PHLDB3: variants seen among roughly 807,000 people sequenced by gnomAD.
The protein encoded by PHLDB3 is pleckstrin homology-like domain family B member 3.
Under a neutral mutation model 85.7 loss-of-function variants are expected in PHLDB3, and 86 were observed. The ratio of observed to expected loss-of-function variants is 1.00; its 90% CI spans 0.84 to 1.20. PHLDB3 has a LOEUF of 1.20. Ranked by LOEUF, PHLDB3 falls within the 50% of genes most tolerant of loss-of-function variation. PHLDB3 has a pLI of 0.00. For missense variants in PHLDB3, 995 were observed against 873.0 expected, an observed-to-expected ratio of 1.14 and a Z score of -1.76; for synonymous variants, 376 against 349.8, an observed-to-expected ratio of 1.07 and a Z score of -0.83.
chr19:43,476,661 AAAG>A (rs1970934750), intron 15 of PHLDB3, among the ~76,000 whole-genome samples: 2 of 151,738 alleles, frequency 1.3e-5, no homozygotes, highest in African/African-American at 4.8e-5. Context: ...AGAAAAAAAA[AAAG>A]AAAAAGAAAC....
At chr19:43,487,585 A>AAAAAAAAAAAAC (rs1568477408) in intron 9 of PHLDB3, among the ~76,000 whole-genome samples, 2 of 141,632 alleles carry the variant, frequency 1.4e-5, no homozygotes, top group African/African-American at 2.7e-5. Flanking sequence ...AAAAAAAAAA[A>AAAAAAAAAAAAC]AAAAAAACAC....
chr19:43,480,261 A>AT (rs1444852951), intron 13 of PHLDB3, among the ~76,000 whole-genome samples: 3 of 115,220 alleles, frequency 2.6e-5, no homozygotes, highest in African/African-American at 7.0e-5. Context: ...CCCCTTCTCT[A>AT]TTTAAAAAAA....
intron 6 of PHLDB3, chr19:43,496,768 A>C: frequency 3.3e-6 from 1 of 302,832 alleles, no homozygotes. Flanking sequence ...GTGAGACGCT[A>C]TCTCAAAAAA....
At chr19:43,487,566 C>T in intron 9 of PHLDB3, among the ~76,000 whole-genome samples, 1 of 37,742 alleles carries the variant, frequency 2.6e-5, no homozygotes, top group East Asian at 1.2e-3. Flanking sequence ...CAGAGCAAGA[C>T]TCTGTCTCAA....
rs764166348 is a variant in PHLDB3 at position 43,503,897 on chromosome 19, G to T, written c.213+9C>A. On this transcript the variant is annotated intron_variant, in intron 2 of 15. Coordinates refer to ENST00000292140, the MANE Select transcript of PHLDB3 (RefSeq NM_198850.4). ...AAGCCCCCCGCGCTGTCGCCCTCGG[G>T]CCCCTCACCGCGTCGCGGCTGCTCT... 2 of 1,613,584 alleles carry T rather than the reference G, an allele frequency of 1.2e-6. No individual in the cohort carries two copies. The highest frequency in any genetic ancestry group is 1.7e-6 in the Non-Finnish European group (2 of 1,179,756).
Position 43,502,100 on chromosome 19 carries a change from C to A in PHLDB3, c.396+1G>T. The A allele has an allele frequency of 6.4e-7, 1 of 1,569,184 alleles. No individual in the cohort carries two copies. Among genetic ancestry groups the A allele is most frequent in the African/African-American group, 1.4e-5 (1 of 73,752 alleles). On this transcript the variant is annotated splice_donor_variant, in intron 3 of 15. Coordinates refer to ENST00000292140, the MANE Select transcript of PHLDB3 (RefSeq NM_198850.4). LOFTEE classifies it high-confidence loss of function. ...GCTTCCCAAGGGGTCCGCAGCCTCA[C>A]CTCGATCCTCAGCTCCTTCCTCTGG...
At position 43,487,591 on chromosome 19, in the gene PHLDB3, A is replaced by AAAAAAAAAAC. The variant is rs1167897767; in HGVS notation, c.1150-469_1150-468insGTTTTTTTTT. Among the ~76,000 whole-genome samples, 57 of 115,752 alleles carry AAAAAAAAAAC rather than the reference A, an allele frequency of 4.9e-4. 4 individuals are homozygous for AAAAAAAAAAC. Among genetic ancestry groups the AAAAAAAAAAC allele is most frequent in the African/African-American group, 1.2e-3 (38 of 31,988 alleles). The allele number at this position is 115,752 out of a possible 152,430, so 75.9% of individuals were successfully genotyped here. On this transcript the variant is annotated intron_variant, in intron 9 of 15. Coordinates refer to ENST00000292140, the MANE Select transcript of PHLDB3 (RefSeq NM_198850.4). ...CTCTGTCTCAAAAAAAAAAAAAAAA[A>AAAAAAAAAAC]ACACAGAAAAGAAAAAAAGAAATGT...
At chr19:43,488,140 C>A (rs1217382130) in intron 9 of PHLDB3, among the ~76,000 whole-genome samples, 1 of 149,436 alleles carries the variant, frequency 6.7e-6, no homozygotes. Flanking sequence ...GACGACAGAG[C>A]GAGACTCTGT....
chr19:43,485,559 A>G (rs960595816), intron 13 of PHLDB3, among the ~76,000 whole-genome samples: 1 of 132,596 alleles, frequency 7.5e-6, no homozygotes, highest in African/African-American at 2.8e-5. Flanking sequence ...TTTGGTTTTG[A>G]TTTTTTTTTT....
chr19:43,475,510 G>A lies in PHLDB3; in HGVS notation c.1823C>T (p.Thr608Ile). ...PNPRLTFCVKTYERLFYMVAP... is the reference protein window; with the variant it reads ...PNPRLTFCVKIYERLFYMVAP... The stretch of plus-strand genomic sequence containing the variant: ...CACCATGTAGAAAAGGCGTTCGTAG[G>A]TTTTGACGCAGAAGGTCAGGCGGGG... Residue 608 changes from threonine (T) to isoleucine (I), a missense_variant, in exon 16 of 16, where the codon ACC becomes ATC. Physicochemically the swap from Thr to Ile is moderately conservative, Grantham distance 89 (BLOSUM62 -1). Transcript: ENST00000292140. 1.9e-6 allele frequency: 3 copies of A among 1,613,998 alleles called. No homozygotes were observed. Among genetic ancestry groups the A allele is most frequent in the South Asian group, 1.1e-5 (1 of 91,088 alleles).
intron 6 of PHLDB3, chr19:43,496,345 C>G (rs953568466): frequency 1.3e-5 from 2 of 152,236 alleles, no homozygotes; most frequent in African/African-American, 4.8e-5. Context: ...TTGGGAAACT[C>G]TGTGTTAAAT....
At chr19:43,486,072 C>G (rs1293234785) in intron 13 of PHLDB3, 194 bp downstream of exon 13, 1 of 985,366 alleles carries the variant, frequency 1.0e-6, no homozygotes, top group African/African-American at 1.7e-5. Context: ...CGAGGACCTG[C>G]CACACATGGA....
At chr19:43,485,595 T>C (rs548450816) in intron 13 of PHLDB3, among the ~76,000 whole-genome samples, 55 of 151,752 alleles carry the variant, frequency 3.6e-4, no homozygotes, top group African/African-American at 1.3e-3. Flanking sequence ...TTCGCTCTTA[T>C]TGCCAAGGCT....
intron 13 of PHLDB3, 50 bp from the exon 14 acceptor site, chr19:43,479,643 C>A: frequency 7.5e-7 from 1 of 1,330,304 alleles, no homozygotes; most frequent in South Asian, 1.3e-5. Flanking sequence ...GGGGATTCTA[C>A]AGCCTGGAGC....
intron 13 of PHLDB3, among the ~76,000 whole-genome samples, chr19:43,480,491 CTGAGCCCAGGAGGATCACT>C (rs904478445): frequency 2.0e-5 from 3 of 151,906 alleles, no homozygotes; most frequent in Non-Finnish European, 4.4e-5. Flanking sequence ...ACTAAGGAGG[CTGAGCCCAGGAGGATCACT>C]TGAGCCCAGG....
chr19:43,493,786 A>T (rs1355228618), intron 9 of PHLDB3, among the ~76,000 whole-genome samples: 3 of 152,166 alleles, frequency 2.0e-5, no homozygotes, highest in Non-Finnish European at 4.4e-5. Context: ...TATCATTTTT[A>T]AAAAGAAAAG....
intron 14 of PHLDB3, 108 bp from the exon 15 acceptor site, chr19:43,478,240 A>G: frequency 1.3e-6 from 1 of 766,532 alleles, no homozygotes; most frequent in Admixed American, 2.3e-5. Flanking sequence ...TGGGTAAGAA[A>G]CATGGTGACA....
intron 4 of PHLDB3, among the ~76,000 whole-genome samples, chr19:43,501,175 CTTTTTTT>C (rs59042804): frequency 2.4e-5 from 2 of 83,600 alleles, no homozygotes; most frequent in South Asian, 4.5e-4. Flanking sequence ...TTCTTTTTCT[CTTTTTTT>C]TTTTTTTTTT....
chr19:43,475,265 C>CCG lies in PHLDB3; in HGVS notation c.*144_*145insCG. ...CCCAGAACGCAGCAGCTCAGGCCAG[C>CCG]TGAACTGCCGCGCCTGCGGAATTCC... is the stretch of plus-strand genomic sequence containing the variant. On this transcript the variant is annotated 3_prime_UTR_variant, in exon 16 of 16. Coordinates refer to ENST00000292140, the MANE Select transcript of PHLDB3 (RefSeq NM_198850.4). The CCG allele has an allele frequency of 8.3e-7, 1 of 1,197,908 alleles. No individual in the cohort carries two copies. The highest frequency in any genetic ancestry group is 1.6e-5 in the South Asian group (1 of 63,418). The allele number at this position is 1,197,908 out of a possible 1,614,324, so 74.2% of individuals were successfully genotyped here. A position where few individuals can be genotyped will look rare whatever the true frequency, so the allele number is the denominator to read the frequency against.
Sources: allele counts gnomAD v4.1 joint callset (sites outside exome capture counted in the v4.1 genomes callset), GRCh38; gene constraint gnomAD v4.1.1; transcripts MANE v1.5; gene names NCBI Gene and HGNC (gene_info 2026-07-23, HGNC 2026-07-21).